SYT16: variants seen among roughly 807,000 people sequenced by gnomAD.
The protein encoded by SYT16 is synaptotagmin-16.
In SYT16, 42 loss-of-function variants were observed where a neutral mutation model predicts 61.4. That is an observed-to-expected ratio of 0.68 (90% CI 0.53 to 0.89). The LOEUF is 0.89. SYT16 is among the 40% of genes least tolerant of loss of function. The probability of loss-of-function intolerance (pLI) is 0.00; values close to 1 mark genes in which losing one functional copy is unlikely to be tolerated. For missense variants in SYT16, 804 were observed against 807.3 expected, an observed-to-expected ratio of 1.00 and a Z score of 0.05; for synonymous variants, 314 against 302.3, an observed-to-expected ratio of 1.04 and a Z score of -0.40.
intron 1 of SYT16, among the ~76,000 whole-genome samples, chr14:61,962,866 A>G (rs2051168345): frequency 6.6e-6 from 1 of 152,032 alleles, no homozygotes; most frequent in South Asian, 2.1e-4. Flanking sequence ...TCTATTTATT[A>G]GTTGTACTTC....
intron 3 of SYT16, among the ~76,000 whole-genome samples, chr14:62,051,434 C>T (rs756312671): frequency 6.6e-6 from 1 of 152,224 alleles, no homozygotes; most frequent in Non-Finnish European, 1.5e-5. Flanking sequence ...GAGGCGATGC[C>T]TCACCCTGCT....
At chr14:61,979,478 C>T (rs943241625) in intron 2 of SYT16, among the ~76,000 whole-genome samples, 3 of 152,154 alleles carry the variant, frequency 2.0e-5, no homozygotes, top group African/African-American at 7.2e-5. Flanking sequence ...CAGGTCTGTG[C>T]AGTGGCTTCC....
chr14:61,929,514 G>T (rs102887), intron 1 of SYT16, among the ~76,000 whole-genome samples: 4 of 152,048 alleles, frequency 2.6e-5, no homozygotes, highest in Admixed American at 6.6e-5. Flanking sequence ...AAATGTTTCA[G>T]GGAAGAATAC....
intron 1 of SYT16, among the ~76,000 whole-genome samples, chr14:61,962,242 C>A (rs1228869060): frequency 6.6e-6 from 1 of 152,020 alleles, no homozygotes; most frequent in Admixed American, 6.6e-5. Context: ...ATATAAAAAA[C>A]CTGCACATAT....
chr14:62,030,832 C>T (rs1333827062), intron 3 of SYT16, among the ~76,000 whole-genome samples: 1 of 152,136 alleles, frequency 6.6e-6, no homozygotes, highest in Admixed American at 6.5e-5. Flanking sequence ...GAAAGGAAAT[C>T]AAAGCCATAA....
chr14:61,954,157 C>T (rs2050778375), intron 1 of SYT16, among the ~76,000 whole-genome samples: 2 of 152,094 alleles, frequency 1.3e-5, no homozygotes, highest in South Asian at 4.1e-4. Context: ...TTTATAATAC[C>T]TGTGAAATTA....
intron 3 of SYT16, among the ~76,000 whole-genome samples, chr14:62,048,770 C>T (rs569569536): frequency 4.6e-5 from 7 of 152,194 alleles, no homozygotes; most frequent in African/African-American, 7.2e-5. Context: ...GTTCAGTTTC[C>T]GTGTATTTGA....
At chr14:61,994,193 A>G (rs2052672444) in intron 2 of SYT16, among the ~76,000 whole-genome samples, 1 of 152,206 alleles carries the variant, frequency 6.6e-6, no homozygotes, top group Admixed American at 6.5e-5. Context: ...AGAGAAATTC[A>G]CAATCCCCCA....
At chr14:62,028,937 A>C (rs1481373269) in intron 3 of SYT16, among the ~76,000 whole-genome samples, 1 of 152,210 alleles carries the variant, frequency 6.6e-6, no homozygotes, top group East Asian at 1.9e-4. Flanking sequence ...TATCAGGTGA[A>C]ATCAAAGACA....
chr14:61,838,757 A>G (rs916354938), intron 1 of SYT16, among the ~76,000 whole-genome samples: 1 of 152,202 alleles, frequency 6.6e-6, no homozygotes, highest in African/African-American at 2.4e-5. Context: ...CTCCAAACAT[A>G]AAGTTGTCTA....
intron 3 of SYT16, among the ~76,000 whole-genome samples, chr14:62,013,009 G>A (rs2053529372): frequency 6.6e-6 from 1 of 152,162 alleles, no homozygotes; most frequent in Non-Finnish European, 1.5e-5. Context: ...AATTGTGAAT[G>A]TTAGCAATAA....
At chr14:61,906,812 T>TCCATCCATCCAC (rs2048741643) in intron 1 of SYT16, among the ~76,000 whole-genome samples, 1 of 151,538 alleles carries the variant, frequency 6.6e-6, no homozygotes, top group African/African-American at 2.4e-5. Flanking sequence ...CATCCATCCA[T>TCCATCCATCCAC]CCATCCATCC....
chr14:62,077,893 A>C (rs1219364883), intron 5 of SYT16, among the ~76,000 whole-genome samples: 4 of 152,196 alleles, frequency 2.6e-5, no homozygotes, highest in Non-Finnish European at 5.9e-5. Flanking sequence ...AGAAACCTGC[A>C]GGTGGAGTGA....
chr14:61,842,610 T>C, intron 1 of SYT16, among the ~76,000 whole-genome samples: 1 of 152,052 alleles, frequency 6.6e-6, no homozygotes, highest in Non-Finnish European at 1.5e-5. Context: ...AAATGATGAG[T>C]TCATGTCCTT....
At chr14:61,896,937 A>G (rs529379141) in intron 1 of SYT16, among the ~76,000 whole-genome samples, 1 of 152,344 alleles carries the variant, frequency 6.6e-6, no homozygotes, top group Admixed American at 6.5e-5. Context: ...ACTGAGATTT[A>G]TCCTATTAAA....
intron 2 of SYT16, among the ~76,000 whole-genome samples, chr14:61,983,578 T>G (rs991509433): frequency 2.6e-5 from 4 of 152,088 alleles, no homozygotes; most frequent in African/African-American, 9.7e-5. Context: ...CAGGCTGGAG[T>G]GCAGTGGTGT....
chr14:62,068,231 G>GA lies in SYT16; in HGVS notation c.524-1363dup, dbSNP rs931566823. 6.0e-5 allele frequency among the ~76,000 whole-genome samples: 9 copies of GA among 149,092 alleles called. No individual in the cohort carries two copies. The South Asian group carries it at 1.7e-3, about 28-fold the overall frequency. ...GGAAGGAGATTTTTATATTGACAAT[G>GA]AAAAAAAAATTTTTAAAAAGGAGAT... On this transcript the variant is annotated intron_variant, in intron 3 of 7. Transcript: ENST00000683842.
At chr14:62,016,525 C>T (rs1450640398) in intron 3 of SYT16, among the ~76,000 whole-genome samples, 1 of 134,698 alleles carries the variant, frequency 7.4e-6, no homozygotes, top group East Asian at 2.2e-4. Context: ...GAAACCCTGT[C>T]TCTTCTAAAA....
At chr14:61,993,231 G>A (rs1001781755) in intron 2 of SYT16, among the ~76,000 whole-genome samples, 1 of 151,704 alleles carries the variant, frequency 6.6e-6, no homozygotes, top group Non-Finnish European at 1.5e-5. Flanking sequence ...CATGGACACA[G>A]GAAGGGGAAC....
Sources: allele counts gnomAD v4.1 joint callset (sites outside exome capture counted in the v4.1 genomes callset), GRCh38; gene constraint gnomAD v4.1.1; transcripts MANE v1.5; gene names NCBI Gene and HGNC (gene_info 2026-07-23, HGNC 2026-07-21).